The following NR6A1 variants were observed in gnomAD, a reference collection of about 807,000 sequenced individuals.
The protein encoded by NR6A1 is retinoic acid receptor-related testis-associated receptor.
In NR6A1, 7 loss-of-function variants were observed where a neutral mutation model predicts 59.1. That is an observed-to-expected ratio of 0.12 (90% CI 0.07 to 0.22). NR6A1 has a LOEUF of 0.22. Among genes scored for constraint, NR6A1 ranks in the 10% least tolerant of loss-of-function variants. The probability of loss-of-function intolerance (pLI) is 1.00; values close to 1 mark genes in which losing one functional copy is unlikely to be tolerated. For missense variants in NR6A1, 468 were observed against 611.6 expected, an observed-to-expected ratio of 0.77 and a Z score of 2.48; for synonymous variants, 243 against 236.1, an observed-to-expected ratio of 1.03 and a Z score of -0.27.
chr9:124,751,028 C>T (rs1457579097), intron 1 of NR6A1, among the ~76,000 whole-genome samples: 1 of 149,296 alleles, frequency 6.7e-6, no homozygotes, highest in African/African-American at 2.5e-5. Context: ...GGTCTGAGTC[C>T]CATCTCTCCC....
chr9:124,758,658 TATA>T (rs1840704999), intron 1 of NR6A1, among the ~76,000 whole-genome samples: 1 of 152,216 alleles, frequency 6.6e-6, no homozygotes, highest in Admixed American at 6.5e-5. Context: ...TAAACATTTC[TATA>T]AGGCAGACTC....
intron 6 of NR6A1, among the ~76,000 whole-genome samples, chr9:124,537,432 T>C (rs1484032471): frequency 2.6e-5 from 4 of 152,178 alleles, no homozygotes; most frequent in African/African-American, 9.7e-5. Context: ...TCCTTGTGGG[T>C]AGATATTTTA....
In NR6A1 at chr9:124,771,103, G is replaced by T. The variant is rs1316692076; in HGVS notation, c.17C>A (p.Pro6Gln). The stretch of plus-strand genomic sequence containing the variant: ...GCCGCCTCCCCCTCCGCTAGGCGGC[G>T]GTTCGTCCCGCTCCATGCGGTGGTG... MERDE[P>Q]PPSGGGGGGG... The change falls in exon 1 of 10, where the codon CCG becomes CAG. Residue 6 changes from proline (P) to glutamine (Q), a missense_variant. Pro to Gln is a moderately conservative substitution (Grantham distance 76). Around this residue, in one of 4 missense-constraint regions of NR6A1, gnomAD observed 75 missense variants for 65.6 expected, o/e 1.14. Coordinates refer to ENST00000487099, the MANE Select transcript of NR6A1 (RefSeq NM_033334.4). The T allele has an allele frequency of 1.6e-6, 2 of 1,229,838 alleles. No individual in the cohort carries two copies. The highest frequency in any genetic ancestry group is 2.0e-6 in the Non-Finnish European group (2 of 986,464). 76.2% of individuals were successfully genotyped at this position (1,229,838 alleles called of 1,614,324 possible).
chr9:124,533,639 T>C (rs889554871), intron 7 of NR6A1, among the ~76,000 whole-genome samples: 1 of 151,484 alleles, frequency 6.6e-6, no homozygotes, highest in Non-Finnish European at 1.5e-5. Flanking sequence ...TCTCCAACTT[T>C]CATGGATAGG....
At chr9:124,654,201 G>A (rs1198819802) in intron 2 of NR6A1, among the ~76,000 whole-genome samples, 1 of 152,152 alleles carries the variant, frequency 6.6e-6, no homozygotes, top group Non-Finnish European at 1.5e-5. Flanking sequence ...CAGCTTGGGA[G>A]GAACCCCAGT....
chr9:124,685,022 A>C (rs2131003938), intron 2 of NR6A1, among the ~76,000 whole-genome samples: 1 of 152,298 alleles, frequency 6.6e-6, no homozygotes, highest in Admixed American at 6.5e-5. Flanking sequence ...CATGATGAAG[A>C]GACAGAGTGG....
chr9:124,655,020 C>T (rs1257268320), intron 2 of NR6A1, among the ~76,000 whole-genome samples: 3 of 152,014 alleles, frequency 2.0e-5, no homozygotes, highest in Non-Finnish European at 4.4e-5. Flanking sequence ...AGAGGATTTA[C>T]CCACAGAAGA....
At chr9:124,707,236 T>C (rs1350530080) in intron 2 of NR6A1, among the ~76,000 whole-genome samples, 2 of 152,178 alleles carry the variant, frequency 1.3e-5, no homozygotes, top group Non-Finnish European at 2.9e-5. Context: ...AATTCATCTA[T>C]CTACAAGTTC....
chr9:124,618,062 A>T (rs1341728435), intron 2 of NR6A1, among the ~76,000 whole-genome samples: 2 of 152,222 alleles, frequency 1.3e-5, no homozygotes, highest in Non-Finnish European at 2.9e-5. Context: ...TTTCTGTTGA[A>T]AGAAAGAATG....
intron 2 of NR6A1, among the ~76,000 whole-genome samples, chr9:124,648,536 ACATGAATGCCGACTTT>A (rs1323298052): frequency 3.3e-5 from 5 of 152,186 alleles, no homozygotes; most frequent in Non-Finnish European, 7.4e-5. Flanking sequence ...AAAGCCTGGA[ACATGAATGCCGACTTT>A]CATCCTTTTA....
chr9:124,715,135 T>C (rs1588821379), intron 2 of NR6A1, among the ~76,000 whole-genome samples: 1 of 149,916 alleles, frequency 6.7e-6, no homozygotes, highest in Non-Finnish European at 1.5e-5. Context: ...GAGGCAGAGG[T>C]TGCAGTGAGC....
intron 1 of NR6A1, among the ~76,000 whole-genome samples, chr9:124,753,399 A>G (rs577665378): frequency 1.3e-5 from 2 of 152,378 alleles, no homozygotes; most frequent in African/African-American, 4.8e-5. Context: ...TCATTTTAAA[A>G]TAAATGTTGG....
chr9:124,625,865 A>G (rs763336223), intron 2 of NR6A1, among the ~76,000 whole-genome samples: 13 of 152,124 alleles, frequency 8.5e-5, no homozygotes, highest in Non-Finnish European at 1.3e-4. Flanking sequence ...TACAAGAGAG[A>G]ACTCTCCAGC....
intron 2 of NR6A1, among the ~76,000 whole-genome samples, chr9:124,559,418 T>TA (rs1480130607): frequency 6.6e-6 from 1 of 152,052 alleles, no homozygotes; most frequent in Non-Finnish European, 1.5e-5. Flanking sequence ...TGTTCACGGG[T>TA]AAAAAATAAA....
intron 2 of NR6A1, among the ~76,000 whole-genome samples, chr9:124,594,590 T>C (rs1287155348): frequency 6.6e-6 from 1 of 152,172 alleles, no homozygotes; most frequent in African/African-American, 2.4e-5. Context: ...CTATGCATAC[T>C]GGGGGAGGAG....
chr9:124,733,231 C>A, intron 2 of NR6A1, 77 bp downstream of exon 2: 1 of 1,060,784 alleles, frequency 9.4e-7, no homozygotes, highest in Non-Finnish European at 1.5e-6. Flanking sequence ...ATCAATGACA[C>A]CTTAAGTTAT....
chr9:124,636,921 C>T (rs1836625620), intron 2 of NR6A1, among the ~76,000 whole-genome samples: 1 of 152,096 alleles, frequency 6.6e-6, no homozygotes, highest in Non-Finnish European at 1.5e-5. Flanking sequence ...AAGTAATGTA[C>T]TCTGCTGACA....
At chr9:124,574,018 A>C (rs1834522382) in intron 2 of NR6A1, among the ~76,000 whole-genome samples, 1 of 152,208 alleles carries the variant, frequency 6.6e-6, no homozygotes, top group Non-Finnish European at 1.5e-5. Flanking sequence ...TAAAAACATC[A>C]ATATGTAAAT....
chr9:124,740,188 G>A (rs1331039888), intron 1 of NR6A1, among the ~76,000 whole-genome samples: 3 of 151,926 alleles, frequency 2.0e-5, no homozygotes, highest in South Asian at 2.1e-4. Context: ...TTCTCCACCT[G>A]AGCCCACCTT....
Sources: allele counts gnomAD v4.1 joint callset (sites outside exome capture counted in the v4.1 genomes callset), GRCh38; gene constraint gnomAD v4.1.1; regional missense constraint gnomAD v4.1.1; transcripts MANE v1.5; gene names NCBI Gene and HGNC (gene_info 2026-07-23, HGNC 2026-07-21).